The following ZFPM2 variants were observed in gnomAD, a reference collection of about 807,000 sequenced individuals.
The protein encoded by ZFPM2 is zinc finger protein ZFPM2.
A neutral mutation model predicts 98.6 loss-of-function variants in ZFPM2; 20 were observed. The observed-to-expected ratio is 0.20, with a 90% CI of 0.14 to 0.29. The LOEUF is 0.29. Ranked by LOEUF, ZFPM2 falls within the 10% of genes least tolerant of loss-of-function variation. ZFPM2 has a pLI of 1.00. For synonymous variants in ZFPM2, 518 were observed against 502.7 expected, an observed-to-expected ratio of 1.03 and a Z score of -0.41; for missense variants, 1,310 against 1,388.6, an observed-to-expected ratio of 0.94 and a Z score of 0.90.
intron 6 of ZFPM2, among the ~76,000 whole-genome samples, chr8:105,789,805 T>C (rs1331581661): frequency 1.3e-5 from 2 of 152,144 alleles, no homozygotes; most frequent in Admixed American, 6.5e-5. Flanking sequence ...TATCTCATTG[T>C]GGTTTTGATT....
chr8:105,802,852 C>G lies in ZFPM2; in HGVS notation c.2770C>G (p.Gln924Glu). The change falls in exon 8 of 8, where the codon CAG (glutamine) becomes GAG (glutamate). Residue 924 changes from glutamine to glutamate, a missense_variant. Physicochemically the swap from Gln to Glu is conservative, Grantham distance 29. Coordinates refer to ENST00000407775, the MANE Select transcript of ZFPM2 (RefSeq NM_012082.4). ...ATGTGAGAAAAATGGGAATTTGAAG[C>G]AGCCTTCCCCCAATGGAAACTTATT... ...IKCEKNGNLKQPSPNGNLFSS... is the reference protein window; with the variant it reads ...IKCEKNGNLKEPSPNGNLFSS... The G allele has an allele frequency of 1.9e-6, 3 of 1,613,682 alleles. No individual in the cohort carries two copies. Among genetic ancestry groups the G allele is most frequent in the Non-Finnish European group, 2.5e-6 (3 of 1,179,808 alleles).
At chr8:105,795,324 A>G (rs567236884) in intron 6 of ZFPM2, among the ~76,000 whole-genome samples, 79 of 147,410 alleles carry the variant, frequency 5.4e-4, no homozygotes, top group African/African-American at 1.9e-3. Context: ...CCTTAACTGC[A>G]ACCATTTCAA....
At chr8:105,667,830 C>T (rs1486936104) in intron 5 of ZFPM2, among the ~76,000 whole-genome samples, 2 of 152,012 alleles carry the variant, frequency 1.3e-5, no homozygotes, top group East Asian at 3.8e-4. Flanking sequence ...ATTAAAATGC[C>T]ATGTGTTTAC....
chr8:105,779,642 T>C (rs1394221497), intron 5 of ZFPM2, among the ~76,000 whole-genome samples: 1 of 152,170 alleles, frequency 6.6e-6, no homozygotes, highest in Non-Finnish European at 1.5e-5. Context: ...GATAATACTG[T>C]TAGGTTACTG....
chr8:105,635,919 T>C (rs562409624), intron 5 of ZFPM2, among the ~76,000 whole-genome samples: 1 of 152,028 alleles, frequency 6.6e-6, no homozygotes, highest in Non-Finnish European at 1.5e-5. Flanking sequence ...AGATTTCAGA[T>C]TTTTTTTCAG....
At chr8:105,372,510 A>C in intron 1 of ZFPM2, among the ~76,000 whole-genome samples, 1 of 152,164 alleles carries the variant, frequency 6.6e-6, no homozygotes, top group East Asian at 1.9e-4. Flanking sequence ...CTAACAAGTA[A>C]AATAATAATA....
At chr8:105,368,858 A>G (rs1810562719) in intron 1 of ZFPM2, among the ~76,000 whole-genome samples, 1 of 152,180 alleles carries the variant, frequency 6.6e-6, no homozygotes, top group Non-Finnish European at 1.5e-5. Context: ...AGCATTATCT[A>G]GAGCTTGTCA....
At chr8:105,780,747 A>G (rs1813224885) in intron 5 of ZFPM2, among the ~76,000 whole-genome samples, 1 of 152,148 alleles carries the variant, frequency 6.6e-6, no homozygotes, top group Non-Finnish European at 1.5e-5. Context: ...GCCAGGTGTG[A>G]TCCCAGCCTG....
intron 3 of ZFPM2, among the ~76,000 whole-genome samples, chr8:105,502,128 G>T (rs930504126): frequency 2.0e-5 from 3 of 152,230 alleles, no homozygotes; most frequent in Admixed American, 6.5e-5. Flanking sequence ...TTTAAAGTAA[G>T]ATGGTTCCTC....
intron 3 of ZFPM2, among the ~76,000 whole-genome samples, chr8:105,521,273 A>C (rs377552535): frequency 4.3e-4 from 66 of 152,176 alleles, no homozygotes; most frequent in Middle Eastern, 6.8e-3. Flanking sequence ...TAGAAGATGG[A>C]AAGTAAATAG....
At chr8:105,357,669 C>T (rs527798856) in intron 1 of ZFPM2, among the ~76,000 whole-genome samples, 44 of 151,970 alleles carry the variant, frequency 2.9e-4, no homozygotes, top group African/African-American at 1.0e-3. Context: ...AATGTATATT[C>T]CCTTAAAAAA....
intron 1 of ZFPM2, among the ~76,000 whole-genome samples, chr8:105,322,893 C>T (rs574326487): frequency 2.0e-5 from 3 of 151,950 alleles, no homozygotes; most frequent in Non-Finnish European, 2.9e-5. Context: ...AATTTTAGGC[C>T]GTACGAATTC....
At chr8:105,535,301 G>A (rs1020459355) in intron 3 of ZFPM2, among the ~76,000 whole-genome samples, 1 of 152,096 alleles carries the variant, frequency 6.6e-6, no homozygotes, top group African/African-American at 2.4e-5. Flanking sequence ...ATTAAAGCAT[G>A]CTACTAGAAG....
At chr8:105,673,878 G>T (rs891507949) in intron 5 of ZFPM2, among the ~76,000 whole-genome samples, 4 of 152,254 alleles carry the variant, frequency 2.6e-5, no homozygotes, top group Non-Finnish European at 4.4e-5. Flanking sequence ...GATGAATTAT[G>T]CCTGTTCTTC....
At chr8:105,608,932 T>TG (rs997936194) in intron 4 of ZFPM2, among the ~76,000 whole-genome samples, 5 of 151,926 alleles carry the variant, frequency 3.3e-5, no homozygotes, top group Admixed American at 2.0e-4. Flanking sequence ...AACTATTTAG[T>TG]GGGGGGCGTA....
chr8:105,572,033 CTTTTTTTTT>C (rs869198147), intron 4 of ZFPM2, among the ~76,000 whole-genome samples: 5,676 of 103,452 alleles, frequency 0.055, 200 homozygotes, highest in Non-Finnish European at 0.077. Context: ...GGGTAAATTT[CTTTTTTTTT>C]TTTTTTTTTT....
intron 1 of ZFPM2, among the ~76,000 whole-genome samples, chr8:105,326,965 A>G (rs1363608730): frequency 6.6e-6 from 1 of 151,372 alleles, no homozygotes; most frequent in Non-Finnish European, 1.5e-5. Context: ...GCTATATTTT[A>G]ATTTGTATTT....
intron 3 of ZFPM2, among the ~76,000 whole-genome samples, chr8:105,459,072 C>G (rs1285904477): frequency 6.6e-6 from 1 of 151,934 alleles, no homozygotes; most frequent in Non-Finnish European, 1.5e-5. Context: ...CTTGAATGGC[C>G]CTTCTTTTTT....
intron 4 of ZFPM2, among the ~76,000 whole-genome samples, chr8:105,566,965 C>T (rs1815255788): frequency 6.6e-6 from 1 of 151,740 alleles, no homozygotes; most frequent in Non-Finnish European, 1.5e-5. Flanking sequence ...ATTTTGTTGA[C>T]CTAATAATGA....
Sources: gnomAD v4.1 joint callset for allele counts (sites outside exome capture counted in the v4.1 genomes callset) on GRCh38, gnomAD v4.1.1 for gene constraint, MANE v1.5 for transcripts, NCBI Gene and HGNC (gene_info 2026-07-23, HGNC 2026-07-21) for gene names.